The following ADGRF4 variants were observed in gnomAD, a reference collection of about 807,000 sequenced individuals.
ADGRF4 encodes the protein adhesion G protein-coupled receptor F4.
A neutral mutation model predicts 58.5 loss-of-function variants in ADGRF4; 63 were observed. That is an observed-to-expected ratio of 1.08 (90% CI 0.88 to 1.33). The LOEUF is 1.33. Among genes scored for constraint, ADGRF4 ranks in the 40% most tolerant of loss-of-function variants. The pLI is 0.00. For synonymous variants in ADGRF4, 313 were observed against 295.4 expected (o/e 1.06, Z -0.61); for missense variants, 931 against 843.9 (o/e 1.10, Z -1.28).
chr6:47,698,973 A>G (rs1366995870), intron 1 of ADGRF4, among the ~76,000 whole-genome samples, 179 bp downstream of exon 1: 1 of 152,196 alleles, frequency 6.6e-6, no homozygotes, highest in African/African-American at 2.4e-5. Flanking sequence ...GTATTTCCTA[A>G]GCCTCTTTTA....
Position 47,715,010 on chromosome 6 carries a change from A to G in ADGRF4, c.1765A>G (p.Ile589Val), listed in dbSNP as rs1771978220. 2.5e-6 allele frequency: 4 copies of G among 1,613,328 alleles called. No homozygotes were observed. The highest frequency in any genetic ancestry group is 2.7e-5 in the African/African-American group (2 of 74,936). The change falls in exon 6 of 10, where the codon ATT (isoleucine) becomes GTT (valine). Residue 589 changes from isoleucine to valine, a missense_variant. Physicochemically the swap from Ile to Val is conservative, Grantham distance 29. Transcript: ENST00000283303. ...TGCTGTCAACACTCAGAGGCCCTCT[A>G]TTGGCAGTTCCAAGTCTCAGGATGT... ...VVAVNTQRPS[I>V]GSSKSQDVVI...
At chr6:47,721,007 C>T (rs1056742844) in intron 9 of ADGRF4, among the ~76,000 whole-genome samples, 3 of 152,122 alleles carry the variant, frequency 2.0e-5, no homozygotes, top group Admixed American at 2.0e-4. Flanking sequence ...CCAAAAATTG[C>T]AGCTGGGAGA....
Position 47,714,010 on chromosome 6 carries a change from C to T in ADGRF4, c.765C>T (p.Ser255=), listed in dbSNP as rs1428731193. ...TCAACCATAATACCTCAGAGAAAAGCCTCAATTTCTCCATGAGCATGAACA... is the reference window on the plus strand; with the variant it reads ...TCAACCATAATACCTCAGAGAAAAGTCTCAATTTCTCCATGAGCATGAACA... ...FHINHNTSEK[S]LNFSMSMNNT... is the part of the protein sequence containing the mutation. Residue 255 remains serine (S), a synonymous_variant, in exon 6 of 10, where the codon AGC becomes AGT. Coordinates refer to ENST00000283303, the MANE Select transcript of ADGRF4 (RefSeq NM_153838.5). 1 of 1,604,664 alleles carries T rather than the reference C, an allele frequency of 6.2e-7. No individual in the cohort carries two copies. The highest frequency in any genetic ancestry group is 8.5e-7 in the Non-Finnish European group (1 of 1,175,318).
chr6:47,719,496 C>T (rs563336208), intron 9 of ADGRF4, among the ~76,000 whole-genome samples: 5 of 152,276 alleles, frequency 3.3e-5, no homozygotes, highest in South Asian at 2.1e-4. Context: ...TCAGCTTCCT[C>T]GGGGATGAAA....
chr6:47,708,346 T>A (rs1771773219), intron 3 of ADGRF4, 68 bp downstream of exon 3: 3 of 1,214,352 alleles, frequency 2.5e-6, no homozygotes, highest in Non-Finnish European at 3.7e-6. Context: ...GCACTGATGT[T>A]GCAAGCTTGT....
At position 47,714,401 on chromosome 6, in the gene ADGRF4, T is replaced by G. The variant is rs756245493; in HGVS notation, c.1156T>G (p.Ser386Ala). The G allele has an allele frequency of 1.1e-5, 17 of 1,614,130 alleles. No individual in the cohort carries two copies. The highest frequency in any genetic ancestry group is 1.4e-5 in the Non-Finnish European group (17 of 1,180,028). Residue 386 changes from serine (S) to alanine (A), a missense_variant, in exon 6 of 10, where the codon TCT becomes GCT. By Grantham distance (99) the Ser-to-Ala change is moderately conservative. Coordinates refer to ENST00000283303, the MANE Select transcript of ADGRF4 (RefSeq NM_153838.5). ...CRCNYTSVVM[S>A]FSILMSSKSM... ...CTGTAACTACACCAGTGTGGTGATG[T>G]CTTTTTCCATTCTCATGTCCTCCAA...
intron 1 of ADGRF4, among the ~76,000 whole-genome samples, chr6:47,699,982 C>G (rs1474955323): frequency 6.6e-6 from 1 of 151,148 alleles, no homozygotes; most frequent in African/African-American, 2.4e-5. Flanking sequence ...TCCTTGCCCT[C>G]TAGTTAACCT....
At chr6:47,707,942 G>T (rs1342280467) in intron 2 of ADGRF4, among the ~76,000 whole-genome samples, 1 of 152,098 alleles carries the variant, frequency 6.6e-6, no homozygotes, top group Non-Finnish European at 1.5e-5. Context: ...CTCCCTGGAT[G>T]CTTAAACTTT....
intron 3 of ADGRF4, 70 bp from the exon 4 acceptor site, chr6:47,710,665 T>A: frequency 1.4e-6 from 2 of 1,465,478 alleles, no homozygotes; most frequent in Non-Finnish European, 1.8e-6. Context: ...ATGAATTTGA[T>A]GCACCTGTCA....
Position 47,714,947 on chromosome 6 carries a change from G to A in ADGRF4, c.1702G>A (p.Val568Ile), listed in dbSNP as rs141334264. The A allele has an allele frequency of 3.9e-5, 63 of 1,613,744 alleles. No individual in the cohort carries two copies. In the African/African-American group the frequency reaches 5.6e-4, roughly 14 times the overall value. Residue 568 changes from valine to isoleucine, a missense_variant, in exon 6 of 10, where the codon GTC becomes ATC. Physicochemically the swap from Val to Ile is conservative, Grantham distance 29. Coordinates refer to ENST00000283303, the MANE Select transcript of ADGRF4 (RefSeq NM_153838.5). Reference protein sequence around the residue: ...ALLAFAIPAFVIVAVNLIVVL... With the variant: ...ALLAFAIPAFIIVAVNLIVVL... ...TTTAGCATTTGCCATCCCGGCGTTC[G>A]TCATTGTGGCTGTAAATCTGATTGT...
At chr6:47,720,520 T>C (rs1393981593) in intron 9 of ADGRF4, among the ~76,000 whole-genome samples, 1 of 152,110 alleles carries the variant, frequency 6.6e-6, no homozygotes, top group Non-Finnish European at 1.5e-5. Flanking sequence ...GACAGGTCTG[T>C]CAGGTGGTCC....
intron 1 of ADGRF4, among the ~76,000 whole-genome samples, chr6:47,702,339 C>T (rs1435619546): frequency 6.6e-6 from 1 of 152,128 alleles, no homozygotes; most frequent in Non-Finnish European, 1.5e-5. Flanking sequence ...TTTATGAGAC[C>T]AGTCTTCCAC....
intron 2 of ADGRF4, 50 bp downstream of exon 2, chr6:47,707,388 C>A (rs779421109): frequency 2.8e-6 from 3 of 1,055,758 alleles, no homozygotes; most frequent in Non-Finnish European, 4.5e-6. Flanking sequence ...TCTCAGTTGC[C>A]CTCAATGGCA....
intron 9 of ADGRF4, among the ~76,000 whole-genome samples, chr6:47,718,833 C>T (rs1214095434): frequency 6.6e-6 from 1 of 152,122 alleles, no homozygotes; most frequent in Non-Finnish European, 1.5e-5. Context: ...AGAATCATTC[C>T]TAAGGGGGTA....
intron 5 of ADGRF4, 94 bp from the exon 6 acceptor site, chr6:47,713,697 AGATTGGG>A (rs1289902502): frequency 1.1e-6 from 1 of 909,680 alleles, no homozygotes. Context: ...ATGCCAAATA[AGATTGGG>A]TAACCTGATC....
intron 1 of ADGRF4, among the ~76,000 whole-genome samples, chr6:47,699,170 AGT>A (rs1442809189): frequency 6.6e-6 from 1 of 152,180 alleles, no homozygotes; most frequent in Non-Finnish European, 1.5e-5. Flanking sequence ...GTTCTTGATT[AGT>A]TTCTTCTTTT....
At chr6:47,707,590 C>T (rs1000288839) in intron 2 of ADGRF4, among the ~76,000 whole-genome samples, 6 of 152,202 alleles carry the variant, frequency 3.9e-5, no homozygotes, top group Non-Finnish European at 7.3e-5. Flanking sequence ...AGATAGACTG[C>T]TGCTGAGAGA....
rs758301565 is a variant in ADGRF4, at chr6:47,712,314, GTACT to G, written c.301-40_301-37del. ...ACTCCTTTAGTCTGATACATGGTAG[GTACT>G]TAATCATTTTTGAATGAAACTACAT... On this transcript the variant is annotated intron_variant, in intron 4 of 9. Coordinates refer to ENST00000283303, the MANE Select transcript of ADGRF4 (RefSeq NM_153838.5). 7 of 1,597,510 alleles carry G rather than the reference GTACT, an allele frequency of 4.4e-6. No individual in the cohort carries two copies. In the African/African-American group the frequency reaches 8.0e-5, roughly 18 times the overall value.
intron 1 of ADGRF4, among the ~76,000 whole-genome samples, chr6:47,702,006 T>G (rs552736138): frequency 6.6e-6 from 1 of 152,200 alleles, no homozygotes; most frequent in South Asian, 2.1e-4. Flanking sequence ...GCCTGGCTCA[T>G]TTTTTTGTAT....
Sources: gnomAD v4.1 joint callset for allele counts (sites outside exome capture counted in the v4.1 genomes callset) on GRCh38, gnomAD v4.1.1 for gene constraint, MANE v1.5 for transcripts, NCBI Gene and HGNC (gene_info 2026-07-23, HGNC 2026-07-21) for gene names.